The following FBXO11 variants were observed in gnomAD, a reference collection of about 807,000 sequenced individuals.
The protein encoded by FBXO11 is F-box only protein 11.
FBXO11 carries 13 observed loss-of-function variants against 117.0 expected under a neutral mutation model. That is an observed-to-expected ratio of 0.11 (90% CI 0.07 to 0.18). The LOEUF is 0.18. Among genes scored for constraint, FBXO11 ranks in the 10% least tolerant of loss-of-function variants. The pLI is 1.00. For synonymous variants in FBXO11, 490 were observed against 380.5 expected (o/e 1.29, Z -3.35); for missense variants, 767 against 1,164.4 (o/e 0.66, Z 4.97).
chr2:47,812,949 A>G (rs1670727108), intron 18 of FBXO11: 2 of 375,170 alleles, frequency 5.3e-6, no homozygotes, highest in South Asian at 5.5e-5. Context: ...TATTATAATC[A>G]TATTACTATT....
chr2:47,840,167 T>C lies in FBXO11; in HGVS notation c.233-398A>G, dbSNP rs1485984254. On this transcript the variant is annotated intron_variant, in intron 1 of 22. Transcript: ENST00000403359. ...ATCGTGGTAGCCAGGATGGTCTTGA[T>C]CTCCTGACCTCGTGATCCACTCACC... 7.9e-5 allele frequency among the ~76,000 whole-genome samples: 12 copies of C among 152,010 alleles called. 1 individual carries two copies. The highest frequency in any genetic ancestry group is 2.9e-4 in the African/African-American group (12 of 41,480).
At chr2:47,828,260 T>C (rs1671914059) in intron 11 of FBXO11, among the ~76,000 whole-genome samples, 1 of 152,180 alleles carries the variant, frequency 6.6e-6, no homozygotes, top group South Asian at 2.1e-4. Flanking sequence ...GGATTACAGG[T>C]GTGAGCCACT....
chr2:47,903,318 A>T (rs1270988592), intron 1 of FBXO11, among the ~76,000 whole-genome samples: 1 of 152,196 alleles, frequency 6.6e-6, no homozygotes, highest in Non-Finnish European at 1.5e-5. Context: ...GCCAACACAG[A>T]ATCTCCAAAA....
chr2:47,871,057 A>G (rs1572879919), intron 1 of FBXO11, among the ~76,000 whole-genome samples: 1 of 152,066 alleles, frequency 6.6e-6, no homozygotes, highest in African/African-American at 2.4e-5. Context: ...CTCTTCCTTG[A>G]GTATTGATAC....
rs771490235 is a variant in FBXO11, at chr2:47,832,788, G to A, written c.1134C>T (p.Ile378=). The A allele has an allele frequency of 6.2e-7, 1 of 1,612,872 alleles. No homozygotes were observed. The highest frequency in any genetic ancestry group is 1.7e-4 in the Middle Eastern group (1 of 6,056). ...VNCSPIIDHC[I]IRSTCTVGSA... is the part of the protein sequence containing the mutation. ...ACTAACCTGTACATGTACTTCGGAT[G>A]ATACAGTGATCAATAATAGGGCTAC... The change falls in exon 9 of 23, where the codon ATC becomes ATT. Residue 378 remains isoleucine (I), a synonymous_variant. Transcript: ENST00000403359.
chr2:47,906,316 C>T lies in FBXO11; in HGVS notation c.-596G>A, dbSNP rs988108968. ...TCGGTCTCTTCTCTCTCCTCCCCCC[C>T]TTCTCTCCTCGGCGAAGGGGAAATG... On this transcript the variant is annotated 5_prime_UTR_variant, in exon 1 of 23. Coordinates refer to ENST00000403359, the MANE Select transcript of FBXO11 (RefSeq NM_001190274.2). Among the ~76,000 whole-genome samples, 3 of 152,172 alleles carry T rather than the reference C, an allele frequency of 2.0e-5. No homozygotes were observed. The highest frequency in any genetic ancestry group is 3.9e-4 in the East Asian group (2 of 5,186).
chr2:47,856,434 T>G (rs1674299222), intron 1 of FBXO11, among the ~76,000 whole-genome samples: 2 of 151,984 alleles, frequency 1.3e-5, no homozygotes, highest in South Asian at 4.1e-4. Flanking sequence ...TGATAAAGGG[T>G]ATAAAATAGG....
At chr2:47,866,526 T>C (rs1179291819) in intron 1 of FBXO11, among the ~76,000 whole-genome samples, 2 of 150,990 alleles carry the variant, frequency 1.3e-5, no homozygotes, top group Admixed American at 6.6e-5. Context: ...CAGGCTGGAG[T>C]ACAGTGGCGT....
At chr2:47,831,277 G>A (rs1329784464) in intron 11 of FBXO11, among the ~76,000 whole-genome samples, 3 of 151,574 alleles carry the variant, frequency 2.0e-5, no homozygotes, top group African/African-American at 7.3e-5. Context: ...TTAGGCAGGC[G>A]TGGTGGTGCA....
At chr2:47,840,243 G>A (rs1295068857) in intron 1 of FBXO11, among the ~76,000 whole-genome samples, 2 of 151,772 alleles carry the variant, frequency 1.3e-5, no homozygotes, top group African/African-American at 4.8e-5. Context: ...ACGCCCAGCC[G>A]TGGAAGACTT....
intron 20 of FBXO11, 119 bp from the exon 21 acceptor site, chr2:47,809,385 AC>A: frequency 1.4e-6 from 1 of 713,470 alleles, no homozygotes; most frequent in East Asian, 2.8e-5. Flanking sequence ...AATGAAGCTA[AC>A]CAATGAAGTA....
chr2:47,885,252 G>A (rs774896233), intron 1 of FBXO11, among the ~76,000 whole-genome samples: 2 of 152,164 alleles, frequency 1.3e-5, no homozygotes, highest in Non-Finnish European at 2.9e-5. Context: ...CTTTACTACA[G>A]TGTCAAAAAA....
rs1305123743 is a variant in FBXO11, at chr2:47,905,550, A to AGGCTGCTGC, written c.162_170dup (p.Gln55_Pro57dup). The AGGCTGCTGC allele has an allele frequency of 1.6e-5, 20 of 1,238,976 alleles. No individual in the cohort carries two copies. Among genetic ancestry groups the AGGCTGCTGC allele is most frequent in the Non-Finnish European group, 2.0e-5 (20 of 993,694 alleles). The allele number at this position is 1,238,976 out of a possible 1,614,324, so 76.7% of individuals were successfully genotyped here. Reference sequence around the variant, plus strand: ...GCGGAGGCGGCGGTGGCGGCGGCGGAGGCTGCTGCTGCTGCTGCTGCTGCG... The same window carrying AGGCTGCTGC: ...GCGGAGGCGGCGGTGGCGGCGGCGGAGGCTGCTGCGGCTGCTGCTGCTGCTGCTGCTGCG... On this transcript the variant is annotated inframe_insertion, in exon 1 of 23. Transcript: ENST00000403359.
intron 1 of FBXO11, among the ~76,000 whole-genome samples, chr2:47,887,687 C>G (rs897527798): frequency 6.6e-6 from 1 of 152,060 alleles, no homozygotes; most frequent in Non-Finnish European, 1.5e-5. Flanking sequence ...ATGGTGAAAT[C>G]TCGTCTTTAC....
At chr2:47,891,057 C>G (rs1323702497) in intron 1 of FBXO11, among the ~76,000 whole-genome samples, 2 of 151,882 alleles carry the variant, frequency 1.3e-5, no homozygotes, top group Non-Finnish European at 2.9e-5. Flanking sequence ...CTCCCGGGCT[C>G]AAGCGATCCT....
At chr2:47,880,745 C>T (rs1676369980) in intron 1 of FBXO11, among the ~76,000 whole-genome samples, 1 of 152,144 alleles carries the variant, frequency 6.6e-6, no homozygotes, top group South Asian at 2.1e-4. Flanking sequence ...TTAGTATGAA[C>T]TCCACCTGGT....
intron 4 of FBXO11, chr2:47,836,918 T>G: frequency 2.6e-6 from 1 of 378,054 alleles, no homozygotes; most frequent in Non-Finnish European, 5.1e-6. Context: ...GATTTTTTTT[T>G]GTAGAAATGA....
In FBXO11 at chr2:47,809,793, T is replaced by G. The variant is rs75113927; in HGVS notation, c.2339-86A>C. ...AATTAGCAAGCAAATGTAAACTGCTTCTTTTATAGAAGTACATTAACCCTC... is the reference window on the plus strand; with the variant it reads ...AATTAGCAAGCAAATGTAAACTGCTGCTTTTATAGAAGTACATTAACCCTC... On this transcript the variant is annotated intron_variant, in intron 19 of 22. Coordinates refer to ENST00000403359, the MANE Select transcript of FBXO11 (RefSeq NM_001190274.2). The G allele has an allele frequency of 1.8e-3, 1,513 of 823,946 alleles. 25 individuals carry two copies. In the African/African-American group the frequency reaches 0.023, roughly 12 times the overall value. 51.0% of individuals were successfully genotyped at this position (823,946 alleles called of 1,614,324 possible). A position where few individuals can be genotyped will look rare whatever the true frequency, so the allele number is the denominator to read the frequency against.
chr2:47,880,136 C>T (rs1403211014), intron 1 of FBXO11, among the ~76,000 whole-genome samples: 2 of 152,082 alleles, frequency 1.3e-5, no homozygotes, highest in Non-Finnish European at 2.9e-5. Flanking sequence ...GCTGGGACCA[C>T]AGGCACATGC....
Sources: allele counts gnomAD v4.1 joint callset (sites outside exome capture counted in the v4.1 genomes callset), GRCh38; gene constraint gnomAD v4.1.1; transcripts MANE v1.5; gene names NCBI Gene and HGNC (gene_info 2026-07-23, HGNC 2026-07-21).